The following CDH23 variants were observed in gnomAD, a reference collection of about 807,000 sequenced individuals.
CDH23 encodes the protein cadherin related 23.
In CDH23, 189 loss-of-function variants were observed where a neutral mutation model predicts 317.1. The ratio of observed to expected loss-of-function variants is 0.60; its 90% confidence interval spans 0.53 to 0.67. The LOEUF is 0.67. CDH23 is among the 30% of genes least tolerant of loss of function. The pLI is 0.00. For missense variants in CDH23, 4,401 were observed against 4,592.4 expected, an observed-to-expected ratio of 0.96 and a Z score of 1.20; for synonymous variants, 1,839 against 1,876.8, an observed-to-expected ratio of 0.98 and a Z score of 0.52.
intron 2 of CDH23, among the ~76,000 whole-genome samples, chr10:71,445,866 A>AG (rs1352744367): frequency 6.6e-6 from 1 of 151,918 alleles, no homozygotes; most frequent in Non-Finnish European, 1.5e-5. Flanking sequence ...AAAAAAAAAA[A>AG]AAATCGGCAA....
At chr10:71,586,657 C>A (rs1482895671) in intron 9 of CDH23, among the ~76,000 whole-genome samples, 1 of 152,198 alleles carries the variant, frequency 6.6e-6, no homozygotes, top group Non-Finnish European at 1.5e-5. Flanking sequence ...TCCTCCTCTA[C>A]CCCATTCCCT....
chr10:71,739,675 C>T lies in CDH23; in HGVS notation c.4391C>T (p.Ala1464Val), dbSNP rs374362883. The T allele has an allele frequency of 3.2e-4, 514 of 1,613,206 alleles. 2 individuals carry two copies. The highest frequency in any genetic ancestry group is 6.6e-4 in the Middle Eastern group (4 of 6,060). ...TTCTCCCTGGCCTCTGGCAACATCG[C>T]GGGGGCCTTTGAGATCGTCACCACC... ...VVFSLASGNI[A>V]GAFEIVTTND... The change falls in exon 36 of 70, where the codon GCG becomes GTG. Residue 1464 changes from alanine to valine, a missense_variant. Around this residue, in one of 3 missense-constraint regions of CDH23, gnomAD observed 3,068 missense variants for 3,203.3 expected, o/e 0.96. Coordinates refer to ENST00000224721, the MANE Select transcript of CDH23 (RefSeq NM_022124.6).
At chr10:71,686,562 C>A (rs1418145317) in intron 18 of CDH23, among the ~76,000 whole-genome samples, 1 of 152,164 alleles carries the variant, frequency 6.6e-6, no homozygotes, top group African/African-American at 2.4e-5. Flanking sequence ...AGCAGCGACT[C>A]CAGCAAAGGG....
At chr10:71,601,166 G>A (rs1860193855) in intron 9 of CDH23, among the ~76,000 whole-genome samples, 1 of 152,202 alleles carries the variant, frequency 6.6e-6, no homozygotes, top group Non-Finnish European at 1.5e-5. Flanking sequence ...CATCCTTTCT[G>A]GTGGAGCCTT....
At chr10:71,467,135 G>A (rs1341286635) in intron 3 of CDH23, among the ~76,000 whole-genome samples, 3 of 151,640 alleles carry the variant, frequency 2.0e-5, no homozygotes, top group East Asian at 2.0e-4. Flanking sequence ...GAATGGCTCC[G>A]CGAGCCCCTT....
intron 3 of CDH23, among the ~76,000 whole-genome samples, chr10:71,454,839 C>T (rs1276344809): frequency 7.9e-6 from 1 of 126,624 alleles, no homozygotes; most frequent in African/African-American, 3.1e-5. Context: ...ATTTTTTTTA[C>T]ATTTTATTTT....
chr10:71,758,768 C>G lies in CDH23; in HGVS notation c.4845+16847C>G, dbSNP rs1304613164. 2.6e-5 allele frequency among the ~76,000 whole-genome samples: 4 copies of G among 152,182 alleles called. No homozygotes were observed. In the East Asian group the frequency reaches 7.7e-4, roughly 29 times the overall value. On this transcript the variant is annotated intron_variant, in intron 38 of 69. Transcript: ENST00000224721. Reference sequence around the variant, plus strand: ...TGAGGCTAGGCATGGTGGCTCACACCTGTAATCCCAGCACTTTGGAGGTCA... The same window carrying G: ...TGAGGCTAGGCATGGTGGCTCACACGTGTAATCCCAGCACTTTGGAGGTCA...
At chr10:71,485,493 G>C (rs1852298193) in intron 3 of CDH23, among the ~76,000 whole-genome samples, 1 of 152,258 alleles carries the variant, frequency 6.6e-6, no homozygotes. Context: ...ATTCCAGGCA[G>C]GTGCAAGGGA....
intron 2 of CDH23, among the ~76,000 whole-genome samples, chr10:71,445,770 C>T (rs1850127288): frequency 7.1e-6 from 1 of 140,462 alleles, no homozygotes; most frequent in Non-Finnish European, 1.5e-5. Context: ...ATCGCTTTAG[C>T]TTGGGTGGTC....
At chr10:71,484,142 G>A (rs1054262674) in intron 3 of CDH23, among the ~76,000 whole-genome samples, 1 of 152,224 alleles carries the variant, frequency 6.6e-6, no homozygotes. Flanking sequence ...TCACAGGTGG[G>A]AGGACGCGAG....
At chr10:71,557,334 G>A (rs925523219) in intron 6 of CDH23, among the ~76,000 whole-genome samples, 2 of 152,070 alleles carry the variant, frequency 1.3e-5, no homozygotes, top group African/African-American at 4.8e-5. Context: ...TTTAAAATTT[G>A]ATTTTCATTT....
chr10:71,646,031 G>A, intron 13 of CDH23, 51 bp downstream of exon 13: 2 of 1,585,032 alleles, frequency 1.3e-6, no homozygotes, highest in East Asian at 2.2e-5. Context: ...GTGGATTTCA[G>A]GGGAGGCGAG....
intron 14 of CDH23, among the ~76,000 whole-genome samples, chr10:71,655,477 A>G (rs927182517): frequency 7.2e-5 from 11 of 152,216 alleles, no homozygotes; most frequent in Admixed American, 5.2e-4. Flanking sequence ...ACCGCCTTAA[A>G]AAGCCCACTT....
At chr10:71,540,877 G>A (rs946973329) in intron 6 of CDH23, among the ~76,000 whole-genome samples, 7 of 151,712 alleles carry the variant, frequency 4.6e-5, no homozygotes, top group Non-Finnish European at 1.0e-4. Flanking sequence ...GCTGTCCCTG[G>A]GCCAGCTGCA....
intron 3 of CDH23, among the ~76,000 whole-genome samples, chr10:71,496,046 C>T (rs1852945915): frequency 6.6e-6 from 1 of 152,182 alleles, no homozygotes; most frequent in Admixed American, 6.5e-5. Context: ...CTGATGCACA[C>T]TCAAGTTTGA....
chr10:71,470,592 C>G (rs186769952), intron 3 of CDH23, among the ~76,000 whole-genome samples: 2 of 152,098 alleles, frequency 1.3e-5, no homozygotes, highest in Admixed American at 1.3e-4. Context: ...TAGGCTCTAG[C>G]AGTCCTTCCA....
intron 24 of CDH23, among the ~76,000 whole-genome samples, chr10:71,704,522 T>C (rs1865706315): frequency 6.6e-6 from 1 of 152,220 alleles, no homozygotes; most frequent in South Asian, 2.1e-4. Flanking sequence ...GAATCCAGCC[T>C]TCTACGTGGT....
intron 30 of CDH23, among the ~76,000 whole-genome samples, chr10:71,728,289 A>AT (rs1302685023): frequency 6.6e-6 from 1 of 151,098 alleles, no homozygotes; most frequent in Non-Finnish European, 1.5e-5. Context: ...TGGAGTGGAC[A>AT]TGTTAGTTTG....
chr10:71,762,131 C>T (rs1399688846), intron 38 of CDH23: 5 of 1,319,920 alleles, frequency 3.8e-6, no homozygotes, highest in Non-Finnish European at 5.1e-6. Context: ...CAGCCACAGG[C>T]CAGGGGCATG....
Sources: allele counts gnomAD v4.1 joint callset (sites outside exome capture counted in the v4.1 genomes callset), GRCh38; gene constraint gnomAD v4.1.1; regional missense constraint gnomAD v4.1.1; transcripts MANE v1.5; gene names NCBI Gene and HGNC (gene_info 2026-07-23, HGNC 2026-07-21).